The following EDEM2 variants were observed in gnomAD, a reference collection of about 807,000 sequenced individuals.
EDEM2 encodes ER degradation-enhancing alpha-mannosidase-like protein 2.
EDEM2 carries 39 observed loss-of-function variants against 64.8 expected under a neutral mutation model. The observed-to-expected ratio is 0.60, with a 90% CI of 0.47 to 0.79. EDEM2 has a LOEUF of 0.79. Among genes scored for constraint, EDEM2 ranks in the 30% least tolerant of loss-of-function variants. The probability of loss-of-function intolerance (pLI) is 0.00; values close to 1 mark genes in which losing one functional copy is unlikely to be tolerated. For missense variants in EDEM2, 609 were observed against 731.3 expected, an observed-to-expected ratio of 0.83 and a Z score of 1.93; for synonymous variants, 296 against 291.5, an observed-to-expected ratio of 1.02 and a Z score of -0.16.
rs971946828 is a variant in EDEM2 at position 35,124,184 on chromosome 20, G to A, written c.970-150C>T. On this transcript the variant is annotated intron_variant, in intron 8 of 10. Transcript: ENST00000374492. ...AGTTACTCAGTGTGGTGCTGAGCCA[G>A]GCACTGGACTTCTCTGAGCCCCATC... 1.2e-5 allele frequency: 11 copies of A among 919,454 alleles called. No homozygotes were observed. In the East Asian group the frequency reaches 2.9e-4, roughly 24 times the overall value. 57.0% of individuals were successfully genotyped at this position (919,454 alleles called of 1,614,324 possible).
intron 4 of EDEM2, among the ~76,000 whole-genome samples, chr20:35,140,280 T>A (rs2085634642): frequency 6.6e-6 from 1 of 152,152 alleles, no homozygotes; most frequent in Admixed American, 6.6e-5. Flanking sequence ...GATCATGAGT[T>A]TGAGACCAGC....
intron 4 of EDEM2, 113 bp downstream of exon 4, chr20:35,142,260 T>C (rs1220965216): frequency 3.4e-5 from 27 of 785,442 alleles, no homozygotes; most frequent in South Asian, 3.1e-4. Context: ...TCAGAGGTTT[T>C]GGCCAAGGGT....
chr20:35,130,694 C>T (rs2085495601), intron 7 of EDEM2, among the ~76,000 whole-genome samples: 2 of 152,142 alleles, frequency 1.3e-5, no homozygotes, highest in Admixed American at 6.6e-5. Context: ...TATTTTCAGA[C>T]TGCAGTTGAC....
chr20:35,145,550 G>A (rs928536839), intron 2 of EDEM2, among the ~76,000 whole-genome samples: 1 of 152,142 alleles, frequency 6.6e-6, no homozygotes, highest in African/African-American at 2.4e-5. Flanking sequence ...AAAAAGTCAG[G>A]GTGGTTTAGT....
chr20:35,131,115 T>A (rs1216490969), intron 7 of EDEM2, among the ~76,000 whole-genome samples: 1 of 152,206 alleles, frequency 6.6e-6, no homozygotes, highest in Non-Finnish European at 1.5e-5. Flanking sequence ...CCATGTGCAA[T>A]GGCCAGGAGA....
rs2085508226 is a variant in EDEM2 at position 35,131,751 on chromosome 20, C to T, written c.735G>A (p.Lys245=). 7 of 1,614,168 alleles carry T rather than the reference C, an allele frequency of 4.3e-6. No individual in the cohort carries two copies. In the East Asian group the frequency reaches 6.7e-5, roughly 15 times the overall value. ...VGNHIDVLTG[K]WVAQDAGIGA... is the part of the protein sequence containing the mutation. ...CGATGCCTGCGTCCTGGGCCACCCA[C>T]TTGCCAGTGAGCACATCAATGTGGT... The change falls in exon 7 of 11, where the codon AAG becomes AAA. Residue 245 remains lysine (K), a synonymous_variant. Coordinates refer to ENST00000374492, the MANE Select transcript of EDEM2 (RefSeq NM_018217.3).
At chr20:35,119,530 C>T (rs2085345122) in intron 9 of EDEM2, among the ~76,000 whole-genome samples, 1 of 152,114 alleles carries the variant, frequency 6.6e-6, no homozygotes. Context: ...GAGTTTGAGG[C>T]TGCAGTGAGC....
chr20:35,115,499 G>A lies in EDEM2; in HGVS notation c.1671C>T (p.Ser557=). ...TGGAGGTGAAGGGCTGACTGGGGCA[G>A]CTGAGAAGTGGGACCTTCTGTTTGG... The part of the protein sequence containing the change: ...KPAKQKVPLL[S]CPSQPFTSKL... Residue 557 remains serine, a synonymous_variant, in exon 11 of 11, where the codon AGC becomes AGT. Transcript: ENST00000374492. 1 of 1,614,036 alleles carries A rather than the reference G, an allele frequency of 6.2e-7. No individual in the cohort carries two copies. Among genetic ancestry groups the A allele is most frequent in the Non-Finnish European group, 8.5e-7 (1 of 1,179,904 alleles).
intron 9 of EDEM2, among the ~76,000 whole-genome samples, chr20:35,119,416 G>A (rs1390375992): frequency 2.2e-4 from 34 of 152,030 alleles, no homozygotes; most frequent in Admixed American, 2.2e-3. Flanking sequence ...GCAACATGGC[G>A]AGATCTTGTC....
At chr20:35,138,297 T>A (rs2085604803) in intron 4 of EDEM2, among the ~76,000 whole-genome samples, 2 of 152,196 alleles carry the variant, frequency 1.3e-5, no homozygotes, top group Admixed American at 1.3e-4. Flanking sequence ...ACAGGAACAG[T>A]GGCTATTTTT....
At chr20:35,146,720 C>T (rs567400528) in intron 2 of EDEM2, 105 bp downstream of exon 2, 60 of 1,246,518 alleles carry the variant, frequency 4.8e-5, no homozygotes, top group East Asian at 2.3e-4. Flanking sequence ...TGGGAGCTTT[C>T]TGGTGCCGGT....
chr20:35,119,990 C>T (rs2085349852), intron 9 of EDEM2, among the ~76,000 whole-genome samples: 1 of 152,168 alleles, frequency 6.6e-6, no homozygotes, highest in Non-Finnish European at 1.5e-5. Context: ...TTCTCCTGTC[C>T]TGTTTCCTCC....
At chr20:35,118,576 T>C (rs2146085589) in intron 10 of EDEM2, 22 bp downstream of exon 10, 1 of 1,613,810 alleles carries the variant, frequency 6.2e-7, no homozygotes, top group East Asian at 2.2e-5. Flanking sequence ...TTCCCAGTTC[T>C]TGGGGCCATG....
chr20:35,132,508 G>T (rs1256197526), intron 6 of EDEM2, among the ~76,000 whole-genome samples: 3 of 151,934 alleles, frequency 2.0e-5, no homozygotes, highest in African/African-American at 7.3e-5. Context: ...ACAAAAATTA[G>T]CCAGGCATGG....
intron 10 of EDEM2, among the ~76,000 whole-genome samples, chr20:35,116,769 G>T (rs1196029640): frequency 6.6e-6 from 1 of 151,842 alleles, no homozygotes; most frequent in Non-Finnish European, 1.5e-5. Context: ...ATCCTCCTTG[G>T]AAGGGCATTC....
chr20:35,127,170 C>T lies in EDEM2; in HGVS notation c.845-795G>A, dbSNP rs370739057. Among the ~76,000 whole-genome samples the T allele has an allele frequency of 3.1e-4, 47 of 152,266 alleles. No homozygotes were observed. The East Asian group carries it at 8.1e-3, about 26-fold the overall frequency. ...CCTGCACCATGTAAGATGTGCCTTT[C>T]GCCTTCCGCCACGATTGTGAGGCCT... On this transcript the variant is annotated intron_variant, in intron 7 of 10. Transcript: ENST00000374492.
intron 9 of EDEM2, among the ~76,000 whole-genome samples, chr20:35,121,655 G>A (rs775292712): frequency 1.3e-5 from 2 of 152,214 alleles, no homozygotes; most frequent in African/African-American, 4.8e-5. Flanking sequence ...CTCCAACACT[G>A]CTGATCAGAG....
chr20:35,131,523 G>A (rs1217839395), intron 7 of EDEM2, 119 bp downstream of exon 7: 10 of 1,255,596 alleles, frequency 8.0e-6, no homozygotes, highest in Non-Finnish European at 1.0e-5. Flanking sequence ...CCTAGATTGT[G>A]CCACTGCACT....
intron 8 of EDEM2, among the ~76,000 whole-genome samples, chr20:35,124,388 C>A (rs557307017): frequency 6.6e-6 from 1 of 152,114 alleles, no homozygotes; most frequent in Admixed American, 6.5e-5. Flanking sequence ...CACCACACCC[C>A]CAAAAGATAA....
Sources: allele counts gnomAD v4.1 joint callset (sites outside exome capture counted in the v4.1 genomes callset), GRCh38; gene constraint gnomAD v4.1.1; transcripts MANE v1.5; gene names NCBI Gene and HGNC (gene_info 2026-07-23, HGNC 2026-07-21).